Variants in NODAL observed in about 807,000 individuals in gnomAD.
The protein encoded by NODAL is nodal homolog.
NODAL carries 12 observed loss-of-function variants against 34.0 expected under a neutral mutation model. That is an observed-to-expected ratio of 0.35 (90% CI 0.23 to 0.57). NODAL has a LOEUF of 0.57. Ranked by LOEUF, NODAL falls within the 20% of genes least tolerant of loss-of-function variation. The pLI, the probability that NODAL is intolerant of heterozygous loss-of-function variation, is 0.83. For missense variants in NODAL, 390 were observed against 444.2 expected (o/e 0.88, Z 1.10); for synonymous variants, 162 against 186.4 (o/e 0.87, Z 1.07).
intron 2 of NODAL, 142 bp downstream of exon 2, chr10:70,435,144 G>A (rs1178091268): frequency 2.7e-6 from 2 of 743,560 alleles, no homozygotes; most frequent in African/African-American, 3.5e-5. Context: ...TACATGCCTG[G>A]TACCTAGCAC....
chr10:70,441,741 C>A (rs1256883478), upstream of NODAL: 5 of 1,456,812 alleles, frequency 3.4e-6, no homozygotes, highest in African/African-American at 2.8e-5. Context: ...CCCGCCCCCA[C>A]CTTTCCTCCC....
intron 1 of NODAL, among the ~76,000 whole-genome samples, chr10:70,440,556 C>A (rs557595012): frequency 1.1e-4 from 16 of 152,168 alleles, no homozygotes; most frequent in Non-Finnish European, 1.5e-4. Flanking sequence ...CTGGCCCCCG[C>A]AGGCGGAGGG....
Position 70,441,561 on chromosome 10 carries a change from G to C in NODAL, c.107C>G (p.Ser36Trp), listed in dbSNP as rs1380108149. 3.8e-6 allele frequency: 6 copies of C among 1,581,440 alleles called. No individual in the cohort carries two copies. The highest frequency in any genetic ancestry group is 5.1e-6 in the Non-Finnish European group (6 of 1,165,442). ...CATGTACGCCAGAGGGGATGGCGAC[G>C]AGGGCTGCCCCCGCGTACGCAGGAG... is the stretch of plus-strand genomic sequence containing the variant. ...TALLRTRGQP[S>W]SPSPLAYMLS... The change falls in exon 1 of 3, where the codon TCG (serine) becomes TGG (tryptophan). Residue 36 changes from serine (S) to tryptophan (W), a missense_variant. Ser to Trp is a radical substitution (Grantham distance 177). Transcript: ENST00000287139.
In NODAL at chr10:70,441,610, C is replaced by T. The variant is rs762619921; in HGVS notation, c.58G>A (p.Gly20Ser). Reference sequence around the variant, plus strand: ...AGCGCAGTGGCCACCGTCGCAGCACCCGCCTGGAGTAGGGCCCACCAGGCG... The same window carrying T: ...AGCGCAGTGGCCACCGTCGCAGCACTCGCCTGGAGTAGGGCCCACCAGGCG... ...LHAWWALLQA[G>S]AATVATALLR... The change falls in exon 1 of 3, where the codon GGT (glycine) becomes AGT (serine). Residue 20 changes from glycine (G) to serine (S), a missense_variant. By Grantham distance (56) the Gly-to-Ser change is moderately conservative. Coordinates refer to ENST00000287139, the MANE Select transcript of NODAL (RefSeq NM_018055.5). The T allele has an allele frequency of 2.6e-6, 4 of 1,553,906 alleles. No homozygotes were observed. The highest frequency in any genetic ancestry group is 4.8e-5 in the East Asian group (2 of 41,262).
chr10:70,445,875 G>C (rs1000799131), upstream of NODAL, among the ~76,000 whole-genome samples: 1 of 152,180 alleles, frequency 6.6e-6, no homozygotes, highest in Non-Finnish European at 1.5e-5. Context: ...GGGTCCAACA[G>C]CTGCAGACAG....
intron 1 of NODAL, among the ~76,000 whole-genome samples, chr10:70,439,448 G>T (rs2132218420): frequency 6.6e-6 from 1 of 152,314 alleles, no homozygotes; most frequent in East Asian, 1.9e-4. Context: ...AATTATAAGG[G>T]TCGTTACCAT....
rs1239663442 is a variant in NODAL at position 70,437,172 on chromosome 10, G to C, written c.194-1189C>G. 3.3e-5 allele frequency among the ~76,000 whole-genome samples: 5 copies of C among 152,258 alleles called. No individual in the cohort carries two copies. The East Asian group carries it at 9.6e-4, about 29-fold the overall frequency. On this transcript the variant is annotated intron_variant, in intron 1 of 2. Transcript: ENST00000287139. ...TGACTTAATAGTGATGCCGGGCGCG[G>C]TGGCTCACGCCTGTAATCCCAGCAC... is the stretch of plus-strand genomic sequence containing the variant.
intron 1 of NODAL, among the ~76,000 whole-genome samples, chr10:70,440,385 C>G (rs369466120): frequency 4.1e-4 from 63 of 152,328 alleles, no homozygotes; most frequent in African/African-American, 1.3e-3. Context: ...GTCCCCTGGT[C>G]TGGCTGGTCC....
upstream of NODAL, among the ~76,000 whole-genome samples, chr10:70,446,591 GCTGA>G: frequency 6.6e-6 from 1 of 152,158 alleles, no homozygotes. Flanking sequence ...TCTCTGGCAG[GCTGA>G]CTTAGAGCTA....
At chr10:70,436,218 C>T in intron 1 of NODAL, 3 of 564,526 alleles carry the variant, frequency 5.3e-6, no homozygotes, top group East Asian at 3.1e-5. Context: ...TGGAAGGTGG[C>T]AGAGCCAAGA....
intron 1 of NODAL, 49 bp downstream of exon 1, chr10:70,441,426 G>GA (rs1845429380): frequency 1.3e-6 from 2 of 1,535,298 alleles, no homozygotes; most frequent in Non-Finnish European, 1.8e-6. Context: ...GGACGCGGCG[G>GA]AGGCGCCCCG....
At chr10:70,437,670 G>A (rs906017666) in intron 1 of NODAL, among the ~76,000 whole-genome samples, 2 of 152,186 alleles carry the variant, frequency 1.3e-5, no homozygotes, top group Non-Finnish European at 2.9e-5. Flanking sequence ...GATCTCTGAT[G>A]TAGGTCCAGG....
upstream of NODAL, among the ~76,000 whole-genome samples, chr10:70,443,009 C>T (rs1425608371): frequency 6.6e-6 from 1 of 152,104 alleles, no homozygotes; most frequent in Non-Finnish European, 1.5e-5. Flanking sequence ...ATTGCTTGAG[C>T]CTGGGAGGCA....
In NODAL at chr10:70,432,648, C is replaced by T. The variant is rs1845281881; in HGVS notation, c.*288G>A. 2 of 464,764 alleles carry T rather than the reference C, an allele frequency of 4.3e-6. No homozygotes were observed. Among genetic ancestry groups the T allele is most frequent in the East Asian group, 8.6e-5 (2 of 23,338 alleles). 28.8% of individuals were successfully genotyped at this position (464,764 alleles called of 1,614,324 possible). A position where few individuals can be genotyped will look rare whatever the true frequency, so the allele number is the denominator to read the frequency against. Reference sequence around the variant, plus strand: ...TTTTTAAAAAATCCAGTAAAGAACTCATGCACTTGTGCTTTTCCTTGCCAC... The same window carrying T: ...TTTTTAAAAAATCCAGTAAAGAACTTATGCACTTGTGCTTTTCCTTGCCAC... On this transcript the variant is annotated 3_prime_UTR_variant, in exon 3 of 3. Transcript: ENST00000287139.
chr10:70,442,870 C>T (rs891966761), upstream of NODAL, among the ~76,000 whole-genome samples: 2 of 152,050 alleles, frequency 1.3e-5, no homozygotes, highest in Admixed American at 1.3e-4. Context: ...GATACCTGAG[C>T]TCAGGAGTTC....
At chr10:70,434,677 C>G (rs1222827886) in intron 2 of NODAL, among the ~76,000 whole-genome samples, 1 of 152,192 alleles carries the variant, frequency 6.6e-6, no homozygotes, top group Non-Finnish European at 1.5e-5. Context: ...TTGTCTACTT[C>G]TGTAGAATGG....
chr10:70,435,008 G>T (rs1223325955), intron 2 of NODAL: 1 of 456,618 alleles, frequency 2.2e-6, no homozygotes, highest in East Asian at 4.2e-5. Context: ...AGACCCTCTG[G>T]TCTACCCCCA....
intron 1 of NODAL, among the ~76,000 whole-genome samples, chr10:70,439,219 G>A (rs576425520): frequency 4.5e-4 from 69 of 152,232 alleles, no homozygotes; most frequent in Non-Finnish European, 7.4e-4. Flanking sequence ...TGGGCAGGAC[G>A]GTCTTGATCT....
At chr10:70,441,781 C>G (rs904929793), upstream of NODAL, 5 of 1,134,492 alleles carry the variant, frequency 4.4e-6, no homozygotes, top group Middle Eastern at 2.8e-4. Flanking sequence ...CATATAACCC[C>G]CCTCCGGAGG....
Sources: allele counts gnomAD v4.1 joint callset (sites outside exome capture counted in the v4.1 genomes callset), GRCh38; gene constraint gnomAD v4.1.1; transcripts MANE v1.5; gene names NCBI Gene and HGNC (gene_info 2026-07-23, HGNC 2026-07-21).